Variants in ZNF433 observed in about 807,000 individuals in gnomAD.
ZNF433 encodes the protein zinc finger protein 433.
ZNF433 carries 12 observed loss-of-function variants against 10.6 expected under a neutral mutation model. The ratio of observed to expected loss-of-function variants is 1.13; its 90% confidence interval spans 0.72 to 1.83. The LOEUF is 1.83. Ranked by LOEUF, ZNF433 falls within the 40% of genes most tolerant of loss-of-function variation. The pLI is 0.00. For synonymous variants in ZNF433, 272 were observed against 271.3 expected (o/e 1.00, Z -0.02); for missense variants, 737 against 798.0 (o/e 0.92, Z 0.92).
intron 1 of ZNF433, among the ~76,000 whole-genome samples, chr19:12,019,607 A>G (rs1174837614): frequency 3.3e-5 from 5 of 152,218 alleles, no homozygotes; most frequent in African/African-American, 1.2e-4. Flanking sequence ...GAAAAAATTG[A>G]AAACTGAACC....
chr19:12,025,569 C>T (rs756083747), intron 1 of ZNF433: 2 of 152,238 alleles, frequency 1.3e-5, no homozygotes, highest in African/African-American at 4.8e-5. Flanking sequence ...CCAAATGGTG[C>T]ATTCCTCATC....
chr19:12,026,880 G>C, intron 1 of ZNF433: 1 of 453,796 alleles, frequency 2.2e-6, no homozygotes, highest in Non-Finnish European at 4.4e-6. Context: ...GAAATGATAA[G>C]AAGTATGGCA....
rs1009146123 is a variant in ZNF433 at position 12,016,043 on chromosome 19, G to A, written c.815C>T (p.Thr272Ile). Residue 272 changes from threonine to isoleucine, a missense_variant, in exon 4 of 4, where the codon ACT (threonine) becomes ATT (isoleucine). Physicochemically the swap from Thr to Ile is moderately conservative, Grantham distance 89. Coordinates refer to ENST00000550507, the MANE Select transcript of ZNF433 (RefSeq NM_001308348.2). ...SSTCLHAHKR[T>I]HTGEKPYECK... ...TTCATATGGCTTCTCCCCAGTGTGA[G>A]TTCTTTTATGAGCATGAAGGCATGT... The A allele has an allele frequency of 1.2e-6, 2 of 1,613,986 alleles. No individual in the cohort carries two copies. Among genetic ancestry groups the A allele is most frequent in the African/African-American group, 2.7e-5 (2 of 74,916 alleles).
At chr19:12,031,783 G>A (rs184201652) in intron 1 of ZNF433, among the ~76,000 whole-genome samples, 10 of 151,624 alleles carry the variant, frequency 6.6e-5, no homozygotes, top group South Asian at 6.3e-4. Flanking sequence ...CCAGCTACTC[G>A]GGAGGCTCAC....
chr19:12,024,443 C>A (rs1228559529), intron 1 of ZNF433: 1 of 152,220 alleles, frequency 6.6e-6, no homozygotes, highest in Non-Finnish European at 1.5e-5. Flanking sequence ...GTTAAACAGT[C>A]CAACAATTTG....
chr19:12,034,927 C>T, intron 1 of ZNF433: 1 of 454,598 alleles, frequency 2.2e-6, no homozygotes, highest in South Asian at 1.6e-5. Context: ...TACTTCAGGC[C>T]TCCTGGGGTT....
chr19:12,016,398 CAGAGG>C lies in ZNF433; in HGVS notation c.455_459del (p.Ser152CysfsTer5), dbSNP rs1431062243. 1.9e-6 allele frequency: 3 copies of C among 1,614,150 alleles called. No homozygotes were observed. Among genetic ancestry groups the C allele is most frequent in the Middle Eastern group, 1.6e-4 (1 of 6,062 alleles). ...CTATGAGCCCTTTCATGTGTCTGAA[CAGAGG>C]AGAGACAGTTGAAAGGTTTTTTACA... On this transcript the variant is annotated frameshift_variant, in exon 4 of 4. Coordinates refer to ENST00000550507, the MANE Select transcript of ZNF433 (RefSeq NM_001308348.2). LOFTEE classifies it low-confidence loss of function (END_TRUNC).
intron 1 of ZNF433, chr19:12,022,267 C>T (rs186697876): frequency 0.012 from 3,484 of 279,968 alleles, 36 homozygotes; most frequent in Non-Finnish European, 0.018. Flanking sequence ...CAGAGCCCAT[C>T]CCTTTGTTTC....
intron 1 of ZNF433, chr19:12,024,077 T>C (rs1234673219): frequency 6.6e-6 from 1 of 152,080 alleles, no homozygotes; most frequent in East Asian, 1.9e-4. Flanking sequence ...AAAGAAAAAC[T>C]GGAGGCTTTA....
intron 1 of ZNF433, among the ~76,000 whole-genome samples, chr19:12,021,199 T>G (rs1263260020): frequency 1.3e-5 from 2 of 151,942 alleles, no homozygotes; most frequent in Non-Finnish European, 2.9e-5. Flanking sequence ...GCCAAGCTGG[T>G]CTCAAACTCC....
At chr19:12,025,020 A>G (rs1974670208) in intron 1 of ZNF433, 1 of 152,228 alleles carries the variant, frequency 6.6e-6, no homozygotes, top group African/African-American at 2.4e-5. Flanking sequence ...AAATTAACTA[A>G]TTGGATTCTC....
At chr19:12,022,599 C>T (rs1003009680) in intron 1 of ZNF433, among the ~76,000 whole-genome samples, 2 of 152,030 alleles carry the variant, frequency 1.3e-5, no homozygotes, top group South Asian at 2.1e-4. Flanking sequence ...GGAGGACACC[C>T]GAGTACTCTA....
chr19:12,015,731 C>T lies in ZNF433; in HGVS notation c.1127G>A (p.Ser376Asn), dbSNP rs1974145664. Residue 376 changes from serine (S) to asparagine (N), a missense_variant, in exon 4 of 4, where the codon AGT becomes AAT. Ser to Asn is a conservative substitution (Grantham distance 46). Transcript: ENST00000550507. ...AGTTTTTTCATGTGTTTGAAGTGAA[C>T]TGGGAGAATAAAAGGCTTTCCCACA... ...KICGKAFYSP[S>N]SLQTHEKTHT... 2 of 1,613,262 alleles carry T rather than the reference C, an allele frequency of 1.2e-6. No homozygotes were observed. Among genetic ancestry groups the T allele is most frequent in the Non-Finnish European group, 1.7e-6 (2 of 1,179,890 alleles).
Position 12,016,063 on chromosome 19 carries a change from G to C in ZNF433, c.795C>G (p.Cys265Trp), listed in dbSNP as rs757582796. Residue 265 changes from cysteine (C) to tryptophan (W), a missense_variant, in exon 4 of 4, where the codon TGC (cysteine) becomes TGG (tryptophan). Physicochemically the swap from Cys to Trp is radical, Grantham distance 215. Transcript: ENST00000550507. ...TGTGAGTTCTTTTATGAGCATGAAG[G>C]CATGTGGAACTATGGAATGCTTTCC... ...ECGKAFHSST[C>W]LHAHKRTHTG... 1 of 1,614,034 alleles carries C rather than the reference G, an allele frequency of 6.2e-7. No individual in the cohort carries two copies. Among genetic ancestry groups the C allele is most frequent in the Non-Finnish European group, 8.5e-7 (1 of 1,180,006 alleles).
At chr19:12,023,015 C>A (rs1974569147) in intron 1 of ZNF433, among the ~76,000 whole-genome samples, 1 of 150,588 alleles carries the variant, frequency 6.6e-6, no homozygotes, top group Admixed American at 6.6e-5. Context: ...TTAGGATACA[C>A]CCCCCAGATC....
At chr19:12,018,122 C>T (rs1974304793) in intron 2 of ZNF433, 44 bp downstream of exon 2, 2 of 1,485,106 alleles carry the variant, frequency 1.3e-6, no homozygotes, top group Non-Finnish European at 1.8e-6. Flanking sequence ...AAAAAAAAAA[C>T]TTGTTGTCTC....
rs766225431 is a variant in ZNF433, at chr19:12,015,080, C to T, written c.1778G>A (p.Gly593Glu). 6.8e-6 allele frequency: 11 copies of T among 1,613,862 alleles called. No homozygotes were observed. The African/African-American group carries it at 1.5e-4, about 22-fold the overall frequency. Reference protein sequence around the residue: ...GEKPYECKQCGKSFGCASRLQ... With the variant: ...GEKPYECKQCEKSFGCASRLQ... The stretch of plus-strand genomic sequence containing the variant: ...TCGCGAGGCACATCCAAAAGACTTC[C>T]CACACTGCTTACATTCATAGGGTTT... The change falls in exon 4 of 4, where the codon GGG (glycine) becomes GAG (glutamate). Residue 593 changes from glycine to glutamate, a missense_variant. Physicochemically the swap from Gly to Glu is moderately conservative, Grantham distance 98. Transcript: ENST00000550507.
intron 1 of ZNF433, among the ~76,000 whole-genome samples, chr19:12,018,949 C>T (rs976815219): frequency 1.3e-5 from 2 of 149,938 alleles, no homozygotes; most frequent in Admixed American, 1.3e-4. Flanking sequence ...ACCCAGGAGG[C>T]TGAGGCAGGA....
chr19:12,022,711 TGAG>T (rs1294565324), intron 1 of ZNF433, among the ~76,000 whole-genome samples: 7 of 152,162 alleles, frequency 4.6e-5, no homozygotes, highest in African/African-American at 7.2e-5. Flanking sequence ...TTCACACTGA[TGAG>T]GAGGAGGAAG....
Sources: allele counts gnomAD v4.1 joint callset (sites outside exome capture counted in the v4.1 genomes callset), GRCh38; gene constraint gnomAD v4.1.1; transcripts MANE v1.5; gene names NCBI Gene and HGNC (gene_info 2026-07-23, HGNC 2026-07-21).